Variants in RIPOR2 observed in about 807,000 individuals in gnomAD.
RIPOR2 encodes the protein RHO family interacting cell polarization regulator 2, also known as rho family-interacting cell polarization regulator 2.
In RIPOR2, 39 loss-of-function variants were observed where a neutral mutation model predicts 114.5. The ratio of observed to expected loss-of-function variants is 0.34; its 90% confidence interval spans 0.26 to 0.44. The LOEUF is 0.44. Ranked by LOEUF, RIPOR2 falls within the 20% of genes least tolerant of loss-of-function variation. The probability of loss-of-function intolerance (pLI) is 1.00; values close to 1 mark genes in which losing one functional copy is unlikely to be tolerated. For synonymous variants in RIPOR2, 445 were observed against 484.4 expected, an observed-to-expected ratio of 0.92 and a Z score of 1.07; for missense variants, 1,007 against 1,255.1, an observed-to-expected ratio of 0.80 and a Z score of 2.99.
At chr6:24,989,895 T>C (rs1217447230) in intron 1 of RIPOR2, among the ~76,000 whole-genome samples, 2 of 151,646 alleles carry the variant, frequency 1.3e-5, no homozygotes, top group African/African-American at 4.8e-5. Flanking sequence ...CCAGGCGTGG[T>C]GGTGGGCGCC....
At chr6:24,822,081 C>T (rs911075354) in intron 19 of RIPOR2, among the ~76,000 whole-genome samples, 6 of 152,118 alleles carry the variant, frequency 3.9e-5, no homozygotes, top group Non-Finnish European at 8.8e-5. Context: ...GCTTGTGTAA[C>T]AAAGTAGGAT....
Position 24,934,305 on chromosome 6 carries a change from T to C in RIPOR2, c.61+1533A>G, listed in dbSNP as rs1350626951. On this transcript the variant is annotated intron_variant, in intron 1 of 21. Transcript: ENST00000643898. ...GAAAGCTGAAGAATGGGGCCTAAGA[T>C]CAAACTTCAAGGTGTTGGTGGCCTA... Among the ~76,000 whole-genome samples, 9 of 152,142 alleles carry C rather than the reference T, an allele frequency of 5.9e-5. No homozygotes were observed. The East Asian group carries it at 1.3e-3, about 23-fold the overall frequency.
At chr6:24,820,869 C>CCTTT (rs1554201154) in intron 19 of RIPOR2, among the ~76,000 whole-genome samples, 1 of 84,066 alleles carries the variant, frequency 1.2e-5, no homozygotes, top group African/African-American at 4.7e-5. Flanking sequence ...GTTTAACACT[C>CCTTT]TTTTTTTTTT....
At chr6:24,991,038 G>C (rs1030363449) in intron 1 of RIPOR2, among the ~76,000 whole-genome samples, 1 of 152,188 alleles carries the variant, frequency 6.6e-6, no homozygotes, top group Non-Finnish European at 1.5e-5. Context: ...TAAAACCCAT[G>C]GCTGTTCAAT....
At chr6:24,826,351 C>T (rs1760184997) in intron 18 of RIPOR2, among the ~76,000 whole-genome samples, 3 of 152,164 alleles carry the variant, frequency 2.0e-5, no homozygotes, top group Admixed American at 2.0e-4. Flanking sequence ...AACCAGAAAT[C>T]CAGCATGATC....
chr6:24,843,638 A>C (rs1418282684), intron 12 of RIPOR2, 84 bp from the exon 13 acceptor site: 1 of 1,036,388 alleles, frequency 9.6e-7, no homozygotes, highest in Non-Finnish European at 1.4e-6. Flanking sequence ...ACAGAATATA[A>C]GGCAATTACA....
At chr6:24,839,037 T>C (rs1761378570) in intron 14 of RIPOR2, 54 bp downstream of exon 14, 7 of 1,419,998 alleles carry the variant, frequency 4.9e-6, no homozygotes, top group Non-Finnish European at 6.7e-6. Flanking sequence ...AACAAAGAAC[T>C]ACTGTATCAG....
intron 15 of RIPOR2, among the ~76,000 whole-genome samples, chr6:24,833,477 G>A (rs1260853111): frequency 6.6e-6 from 1 of 151,834 alleles, no homozygotes; most frequent in East Asian, 1.9e-4. Context: ...CTCCATCCTG[G>A]GTGACAGAGT....
intron 1 of RIPOR2, among the ~76,000 whole-genome samples, chr6:24,995,224 C>T (rs1395821071): frequency 6.6e-6 from 1 of 152,242 alleles, no homozygotes; most frequent in Non-Finnish European, 1.5e-5. Flanking sequence ...AAGGGGTCCT[C>T]AGCCTGGGAG....
intron 1 of RIPOR2, among the ~76,000 whole-genome samples, chr6:24,895,036 T>A (rs1490885312): frequency 1.3e-5 from 2 of 152,170 alleles, no homozygotes; most frequent in African/African-American, 2.4e-5. Flanking sequence ...ATCTTAGAAT[T>A]ACCTGGGCAG....
chr6:24,934,440 A>G (rs1483463793), intron 1 of RIPOR2, among the ~76,000 whole-genome samples: 1 of 152,212 alleles, frequency 6.6e-6, no homozygotes, highest in Admixed American at 6.5e-5. Flanking sequence ...CCAACTAATG[A>G]TTTTAAATAT....
chr6:24,946,382 T>C (rs1292958454), intron 1 of RIPOR2, among the ~76,000 whole-genome samples: 1 of 152,108 alleles, frequency 6.6e-6, no homozygotes, highest in African/African-American at 2.4e-5. Flanking sequence ...GCCAACCGTC[T>C]CATTTTTAAA....
intron 1 of RIPOR2, among the ~76,000 whole-genome samples, chr6:24,975,742 T>C (rs1774011516): frequency 6.6e-6 from 1 of 151,970 alleles, no homozygotes; most frequent in African/African-American, 2.4e-5. Flanking sequence ...AAAGTAACTA[T>C]GTGAGGTGAT....
At chr6:24,929,981 A>C (rs1287910390) in intron 1 of RIPOR2, among the ~76,000 whole-genome samples, 1 of 152,180 alleles carries the variant, frequency 6.6e-6, no homozygotes, top group Non-Finnish European at 1.5e-5. Context: ...AGGCTGAGGC[A>C]GGAGGATCCC....
In RIPOR2 at chr6:24,875,398, C is replaced by A. The variant is rs35250553; in HGVS notation, c.188+293G>T. On this transcript the variant is annotated intron_variant, in intron 2 of 21. Coordinates refer to ENST00000643898, the MANE Select transcript of RIPOR2 (RefSeq NM_001286445.3). Reference sequence around the variant, plus strand: ...AAACATAGTCTCCAAAGTCTGAATGCAATGGAAAATGTGCTTCAAAAAGGG... The same window carrying A: ...AAACATAGTCTCCAAAGTCTGAATGAAATGGAAAATGTGCTTCAAAAAGGG... 0.091 allele frequency among the ~76,000 whole-genome samples: 13,778 copies of A among 152,108 alleles called. 763 individuals are homozygous for A. Among genetic ancestry groups the A allele is most frequent in the African/African-American group, 0.16 (6,790 of 41,496 alleles).
chr6:25,012,362 T>C (rs1272194905), intron 1 of RIPOR2, among the ~76,000 whole-genome samples: 2 of 152,216 alleles, frequency 1.3e-5, no homozygotes, highest in African/African-American at 4.8e-5. Flanking sequence ...GATCCACCAA[T>C]TTCAGTTCTA....
chr6:24,843,434 A>C lies in RIPOR2; in HGVS notation c.1285T>G (p.Ser429Ala). Residue 429 changes from serine (S) to alanine (A), a missense_variant, in exon 13 of 22, where the codon TCC becomes GCC. Coordinates refer to ENST00000643898, the MANE Select transcript of RIPOR2 (RefSeq NM_001286445.3). ...TCTGGATTTGTTGAGTTGGAAGGGG[A>C]GCCTGTTGAGTGGGAGGTGAGGGCG... The part of the protein sequence containing the change: ...DCALTSHSTG[S>A]PSNSTNPEIT... The C allele has an allele frequency of 6.2e-7, 1 of 1,612,458 alleles. No individual in the cohort carries two copies. Among genetic ancestry groups the C allele is most frequent in the Non-Finnish European group, 8.5e-7 (1 of 1,178,694 alleles).
intron 1 of RIPOR2, among the ~76,000 whole-genome samples, chr6:24,893,094 T>C (rs1767536280): frequency 6.6e-6 from 1 of 152,204 alleles, no homozygotes; most frequent in South Asian, 2.1e-4. Flanking sequence ...CAGGTACAAG[T>C]GAAATCCAGA....
chr6:24,954,060 GA>G (rs1772915336), intron 1 of RIPOR2, among the ~76,000 whole-genome samples: 1 of 152,174 alleles, frequency 6.6e-6, no homozygotes. Context: ...GAATTGTGAT[GA>G]AATACATTTC....
Sources: allele counts gnomAD v4.1 joint callset (sites outside exome capture counted in the v4.1 genomes callset), GRCh38; gene constraint gnomAD v4.1.1; transcripts MANE v1.5; gene names NCBI Gene and HGNC (gene_info 2026-07-23, HGNC 2026-07-21).